The following MYOM2 variants were observed in gnomAD, a reference collection of about 807,000 sequenced individuals.
MYOM2 encodes myomesin-2.
MYOM2 carries 254 observed loss-of-function variants against 187.6 expected under a neutral mutation model. That is an observed-to-expected ratio of 1.35 (90% confidence interval 1.22 to 1.50). The LOEUF (loss-of-function observed/expected upper bound fraction) is 1.50, where lower values mean the gene tolerates loss of function less well. Ranked by LOEUF, MYOM2 falls within the 40% of genes most tolerant of loss-of-function variation. The pLI, the probability that MYOM2 is intolerant of heterozygous loss-of-function variation, is 0.00. For missense variants in MYOM2, 2,796 were observed against 1,924.0 expected, an observed-to-expected ratio of 1.45 and a Z score of -8.48; for synonymous variants, 981 against 753.8, an observed-to-expected ratio of 1.30 and a Z score of -4.94.
Position 2,115,872 on chromosome 8 carries a change from C to T in MYOM2, c.3181-88C>T, listed in dbSNP as rs189383888. 106 of 1,422,364 alleles carry T rather than the reference C, an allele frequency of 7.5e-5. No homozygotes were observed. In the Admixed American group the frequency reaches 8.1e-4, roughly 11 times the overall value. 88.1% of individuals were successfully genotyped at this position (1,422,364 alleles called of 1,614,324 possible). ...TTCCTATCATAATCCCTTGAGATCT[C>T]ATGGCTGATGCAATTGTTAAATGTT... is the stretch of plus-strand genomic sequence containing the variant. On this transcript the variant is annotated intron_variant, in intron 25 of 36. Transcript: ENST00000262113.
intron 19 of MYOM2, among the ~76,000 whole-genome samples, chr8:2,100,129 T>TTTCCTTCC (rs71211554): frequency 0.03 from 1,335 of 45,034 alleles, 61 homozygotes; most frequent in South Asian, 0.033. Flanking sequence ...TCCTTCCTTC[T>TTTCCTTCC]TTCCTTCCTT....
chr8:2,079,558 A>G lies in MYOM2; in HGVS notation c.1463-2A>G. The G allele has an allele frequency of 6.2e-7, 1 of 1,614,128 alleles. No individual in the cohort carries two copies. The highest frequency in any genetic ancestry group is 1.3e-5 in the African/African-American group (1 of 75,040). ...ATCGAGTGTCAACCTTTCTCTCCGC[A>G]GCCGTTCATTTGGAGGGAGAGAAGG... On this transcript the variant is annotated splice_acceptor_variant, in intron 12 of 36. Transcript: ENST00000262113. LOFTEE classifies it high-confidence loss of function.
chr8:2,134,782 C>G (rs1385573276), intron 32 of MYOM2, among the ~76,000 whole-genome samples: 2 of 152,160 alleles, frequency 1.3e-5, no homozygotes, highest in Non-Finnish European at 2.9e-5. Flanking sequence ...GTGTGTGTGC[C>G]TGCATCTTCT....
intron 24 of MYOM2, 167 bp from the exon 25 acceptor site, chr8:2,109,228 C>A: frequency 2.5e-6 from 2 of 805,640 alleles, no homozygotes; most frequent in Non-Finnish European, 3.7e-6. Context: ...CAACAACAGG[C>A]CAGCTCAAGT....
chr8:2,056,780 A>G (rs1275257472), intron 3 of MYOM2, among the ~76,000 whole-genome samples: 1 of 152,134 alleles, frequency 6.6e-6, no homozygotes, highest in Non-Finnish European at 1.5e-5. Context: ...TAGCACCGTT[A>G]GCCCAGTAGC....
chr8:2,048,820 C>T (rs112722168), intron 1 of MYOM2, among the ~76,000 whole-genome samples: 5,029 of 149,670 alleles, frequency 0.034, 148 homozygotes, highest in Middle Eastern at 0.076. Context: ...GATGGAGTCT[C>T]GCTCTGTCAC....
intron 31 of MYOM2, among the ~76,000 whole-genome samples, chr8:2,124,483 T>TTC (rs1469759530): frequency 1.3e-5 from 2 of 152,228 alleles, no homozygotes; most frequent in African/African-American, 2.4e-5. Context: ...CTGTCTTAGG[T>TTC]TAATTGGCAT....
Position 2,057,440 on chromosome 8 carries a change from G to T in MYOM2, c.356G>T (p.Arg119Leu), listed in dbSNP as rs752951216. 2 of 1,614,020 alleles carry T rather than the reference G, an allele frequency of 1.2e-6. No individual in the cohort carries two copies. Among genetic ancestry groups the T allele is most frequent in the East Asian group, 2.2e-5 (1 of 44,866 alleles). ...AHLEEDVHLA[R>L]SQARDKLDKY... ...TTGGAGGAGGATGTCCACCTGGCACGCTCCCAGGCCCGCGACAAGCTGGAC... is the reference window on the plus strand; with the variant it reads ...TTGGAGGAGGATGTCCACCTGGCACTCTCCCAGGCCCGCGACAAGCTGGAC... The change falls in exon 4 of 37, where the codon CGC becomes CTC. Residue 119 changes from arginine (R) to leucine (L), a missense_variant. By Grantham distance (102) the Arg-to-Leu change is moderately radical (BLOSUM62 -2). Coordinates refer to ENST00000262113, the MANE Select transcript of MYOM2 (RefSeq NM_003970.4).
chr8:2,057,460 C>G lies in MYOM2; in HGVS notation c.376C>G (p.Leu126Val). 1 of 1,614,074 alleles carries G rather than the reference C, an allele frequency of 6.2e-7. No individual in the cohort carries two copies. The highest frequency in any genetic ancestry group is 1.1e-5 in the South Asian group (1 of 91,056). Residue 126 changes from leucine (L) to valine (V), a missense_variant, in exon 4 of 37, where the codon CTG becomes GTG. Leu to Val is a conservative substitution (Grantham distance 32). Transcript: ENST00000262113. ...HLARSQARDK[L>V]DKYAIQQMME... ...GGCACGCTCCCAGGCCCGCGACAAG[C>G]TGGACAAATACGCCATTCAGCAGAT... is the stretch of plus-strand genomic sequence containing the variant.
Position 2,060,924 on chromosome 8 carries a change from G to A in MYOM2, c.653+1679G>A, listed in dbSNP as rs1265728061. On this transcript the variant is annotated intron_variant, in intron 6 of 36. Coordinates refer to ENST00000262113, the MANE Select transcript of MYOM2 (RefSeq NM_003970.4). ...GCAGGAAAGTGGGAGTGAGACCAAG[G>A]AGTAGGGTAGGGCGGATGGGAAATT... Among the ~76,000 whole-genome samples, 4 of 152,112 alleles carry A rather than the reference G, an allele frequency of 2.6e-5. No homozygotes were observed. The East Asian group carries it at 7.7e-4, about 29-fold the overall frequency.
intron 35 of MYOM2, 50 bp downstream of exon 35, chr8:2,142,447 G>T (rs879117533): frequency 6.3e-7 from 1 of 1,593,764 alleles, no homozygotes; most frequent in Non-Finnish European, 8.6e-7. Context: ...TTGGGGTGGG[G>T]CAAAAGTGTC....
intron 32 of MYOM2, among the ~76,000 whole-genome samples, chr8:2,139,714 C>T (rs1268124223): frequency 6.6e-6 from 1 of 152,118 alleles, no homozygotes; most frequent in African/African-American, 2.4e-5. Context: ...GCCCTGGAGT[C>T]CGTCCTGTTT....
At chr8:2,071,387 G>A (rs956498446) in intron 8 of MYOM2, among the ~76,000 whole-genome samples, 1 of 151,856 alleles carries the variant, frequency 6.6e-6, no homozygotes, top group Non-Finnish European at 1.5e-5. Flanking sequence ...TTTTTTTCCT[G>A]ACATGTATGT....
At chr8:2,081,027 G>A (rs1357165131) in intron 13 of MYOM2, among the ~76,000 whole-genome samples, 1 of 146,466 alleles carries the variant, frequency 6.8e-6, no homozygotes, top group Admixed American at 6.8e-5. Flanking sequence ...TCTGGCCTGC[G>A]GGAGGAACAG....
intron 3 of MYOM2, among the ~76,000 whole-genome samples, chr8:2,053,450 C>G (rs1188093157): frequency 6.6e-6 from 1 of 152,152 alleles, no homozygotes; most frequent in African/African-American, 2.4e-5. Flanking sequence ...AATACTTGAG[C>G]TTATCATTTT....
chr8:2,054,139 A>T (rs1666009009), intron 3 of MYOM2, among the ~76,000 whole-genome samples: 1 of 151,912 alleles, frequency 6.6e-6, no homozygotes, highest in Non-Finnish European at 1.5e-5. Flanking sequence ...TTTATCCCTG[A>T]CCTCCCAACG....
At position 2,106,564 on chromosome 8, in the gene MYOM2, G is replaced by A. The variant is rs777160311; in HGVS notation, c.2965G>A (p.Gly989Arg). The A allele has an allele frequency of 5.6e-6, 9 of 1,609,072 alleles. No homozygotes were observed. Among genetic ancestry groups the A allele is most frequent in the African/African-American group, 4.0e-5 (3 of 74,856 alleles). Residue 989 changes from glycine to arginine, a missense_variant, in exon 23 of 37, where the codon GGA becomes AGA. Transcript: ENST00000262113. ...CTCCGTGTCTGTAAGTGATACAGAC[G>A]GAGTGTCCTCCAGTTTTGTTCTGGA... The part of the protein sequence containing the change: ...TYSVSVSDTD[G>R]VSSSFVLDPE...
chr8:2,129,949 G>T (rs1055340393), intron 32 of MYOM2, among the ~76,000 whole-genome samples: 2 of 152,172 alleles, frequency 1.3e-5, no homozygotes, highest in African/African-American at 4.8e-5. Flanking sequence ...ACTTCAGGTG[G>T]GTGGGAAGGA....
At chr8:2,128,269 G>A (rs941681823) in intron 31 of MYOM2, among the ~76,000 whole-genome samples, 12 of 152,142 alleles carry the variant, frequency 7.9e-5, no homozygotes, top group African/African-American at 2.4e-4. Context: ...AAAACTAAAA[G>A]TAATTTTAAG....
Sources: gnomAD v4.1 joint callset for allele counts (sites outside exome capture counted in the v4.1 genomes callset) on GRCh38, gnomAD v4.1.1 for gene constraint, MANE v1.5 for transcripts, NCBI Gene and HGNC (gene_info 2026-07-23, HGNC 2026-07-21) for gene names.